Variants in BCAS3 observed in about 807,000 individuals in gnomAD.
BCAS3 encodes BCAS3 microtubule associated cell migration factor.
BCAS3 carries 53 observed loss-of-function variants against 116.1 expected under a neutral mutation model. The observed-to-expected ratio is 0.46, with a 90% CI of 0.37 to 0.57. The LOEUF (loss-of-function observed/expected upper bound fraction) is 0.57, where lower values mean the gene tolerates loss of function less well. Among genes scored for constraint, BCAS3 ranks in the 20% least tolerant of loss-of-function variants. The probability of loss-of-function intolerance (pLI) is 0.00; values close to 1 mark genes in which losing one functional copy is unlikely to be tolerated. For synonymous variants in BCAS3, 391 were observed against 408.2 expected (o/e 0.96, Z 0.51); for missense variants, 917 against 1,165.4 (o/e 0.79, Z 3.10).
At position 60,990,617 on chromosome 17, in the gene BCAS3, G is replaced by A. The variant is rs990780558; in HGVS notation, c.1486+382G>A. On this transcript the variant is annotated intron_variant, in intron 15 of 23. Coordinates refer to ENST00000407086, the MANE Select transcript of BCAS3 (RefSeq NM_017679.5). The surrounding 1 kb of genome is among the most constrained non-coding windows in gnomAD (Gnocchi z 5.1). ...TTCATTGTTGGAAAGAAATAGTCAT[G>A]GGTAATGTGTATTTTAGATAGAGCA... is the stretch of plus-strand genomic sequence containing the variant. Among the ~76,000 whole-genome samples the A allele has an allele frequency of 6.6e-5, 10 of 151,698 alleles. No individual in the cohort carries two copies. The highest frequency in any genetic ancestry group is 2.4e-4 in the African/African-American group (10 of 41,302).
chr17:61,369,629 G>C (rs114655189), intron 23 of BCAS3, among the ~76,000 whole-genome samples: 2 of 152,156 alleles, frequency 1.3e-5, no homozygotes, highest in African/African-American at 4.8e-5. Flanking sequence ...TCACTAAGAC[G>C]TGTCATCTCC....
rs1316386633 is a variant in BCAS3, at chr17:61,106,651, T to TA, written c.2425+22089dup. ...GGGTCTTGGAACGTATCCCCATAGA[T>TA]AAGGAGCGGGGGACAGTTGTAGAAT... On this transcript the variant is annotated intron_variant, in intron 22 of 23. Coordinates refer to ENST00000407086, the MANE Select transcript of BCAS3 (RefSeq NM_017679.5). This position sits in a 1 kb window ranked among gnomAD's most constrained non-coding sequence, Gnocchi z 4.2. Among the ~76,000 whole-genome samples, 2 of 152,180 alleles carry TA rather than the reference T, an allele frequency of 1.3e-5. No homozygotes were observed. The highest frequency in any genetic ancestry group is 4.8e-5 in the African/African-American group (2 of 41,438).
rs972224126 is a variant in BCAS3, at chr17:61,091,713, A to G, written c.2425+7149A>G. On this transcript the variant is annotated intron_variant, in intron 22 of 23. Coordinates refer to ENST00000407086, the MANE Select transcript of BCAS3 (RefSeq NM_017679.5). ...CACAGAAAGGCTAAAGTAAATAATC[A>G]AAATGAAAATAGTTGTTCCAGAGAA... 1.9e-4 allele frequency among the ~76,000 whole-genome samples: 29 copies of G among 152,202 alleles called. 1 individual carries two copies. Among genetic ancestry groups the G allele is most frequent in the African/African-American group, 6.3e-4 (26 of 41,466 alleles).
At chr17:60,706,235 T>G (rs967172265) in intron 4 of BCAS3, among the ~76,000 whole-genome samples, 2 of 151,954 alleles carry the variant, frequency 1.3e-5, no homozygotes, top group African/African-American at 4.8e-5. Context: ...GCTAATTTTT[T>G]GTATTTTTAG....
intron 7 of BCAS3, among the ~76,000 whole-genome samples, chr17:60,827,969 T>C (rs964484914): frequency 6.6e-6 from 1 of 152,168 alleles, no homozygotes; most frequent in African/African-American, 2.4e-5. Flanking sequence ...CTAGAACCAG[T>C]TCATAAAACA....
At position 61,077,196 on chromosome 17, in the gene BCAS3, C is replaced by T. The variant is rs1181059951; in HGVS notation, c.2131-1137C>T. Among the ~76,000 whole-genome samples the T allele has an allele frequency of 1.3e-5, 2 of 151,850 alleles. No individual in the cohort carries two copies. Among genetic ancestry groups the T allele is most frequent in the African/African-American group, 4.8e-5 (2 of 41,314 alleles). On this transcript the variant is annotated intron_variant, in intron 20 of 23. Transcript: ENST00000407086. This position sits in a 1 kb window ranked among gnomAD's most constrained non-coding sequence, Gnocchi z 4.3. ...TTCAGGTTTTTCCAAGTGTCTTCTACCCACTTCTTTGACTTTATAATGTTT... is the reference window on the plus strand; with the variant it reads ...TTCAGGTTTTTCCAAGTGTCTTCTATCCACTTCTTTGACTTTATAATGTTT...
intron 19 of BCAS3, among the ~76,000 whole-genome samples, chr17:61,071,675 G>T (rs1056617756): frequency 3.3e-5 from 5 of 152,072 alleles, no homozygotes; most frequent in Non-Finnish European, 7.4e-5. Flanking sequence ...ACTGTATAGA[G>T]AATCCAATAC....
At position 60,936,308 on chromosome 17, in the gene BCAS3, A is replaced by C. The variant is rs9303434; in HGVS notation, c.1088-10911A>C. ...AGTCTTTGCTATTGTGAATAGTGCCATAATAAACATACATGTGCATGTGTC... is the reference window on the plus strand; with the variant it reads ...AGTCTTTGCTATTGTGAATAGTGCCCTAATAAACATACATGTGCATGTGTC... On this transcript the variant is annotated intron_variant, in intron 13 of 23. Coordinates refer to ENST00000407086, the MANE Select transcript of BCAS3 (RefSeq NM_017679.5). 9.0e-5 allele frequency among the ~76,000 whole-genome samples: 13 copies of C among 143,776 alleles called. No individual in the cohort carries two copies. In the East Asian group the frequency reaches 1.4e-3, roughly 15 times the overall value. 94.3% of individuals were successfully genotyped at this position (143,776 alleles called of 152,430 possible). A position where few individuals can be genotyped will look rare whatever the true frequency, so the allele number is the denominator to read the frequency against.
chr17:60,937,111 T>C (rs1486144162), intron 13 of BCAS3, among the ~76,000 whole-genome samples: 1 of 152,212 alleles, frequency 6.6e-6, no homozygotes, highest in East Asian at 1.9e-4. Context: ...ATTTATTAAA[T>C]AGGGAATTGT....
rs757961552 is a variant in BCAS3 at position 61,363,214 on chromosome 17, G to A, written c.2426-5113G>A. ...ATCCATAGATGCCCCAAAATTGCCCGCATAATTTTATGTATGCAAGCACAC... is the reference window on the plus strand; with the variant it reads ...ATCCATAGATGCCCCAAAATTGCCCACATAATTTTATGTATGCAAGCACAC... On this transcript the variant is annotated intron_variant, in intron 22 of 23. Transcript: ENST00000407086. The surrounding 1 kb of genome is among the most constrained non-coding windows in gnomAD (Gnocchi z 4.9). 5.3e-5 allele frequency among the ~76,000 whole-genome samples: 8 copies of A among 152,150 alleles called. No individual in the cohort carries two copies. The highest frequency in any genetic ancestry group is 7.2e-5 in the African/African-American group (3 of 41,432).
At chr17:61,174,342 A>C (rs895957681) in intron 22 of BCAS3, among the ~76,000 whole-genome samples, 1 of 152,068 alleles carries the variant, frequency 6.6e-6, no homozygotes, top group African/African-American at 2.4e-5. Context: ...GCTGATAACC[A>C]CCGTTCTACT....
rs1331153786 is a variant in BCAS3, at chr17:61,376,679, CT to C, written c.2593+8187del. 1.3e-5 allele frequency among the ~76,000 whole-genome samples: 2 copies of C among 152,200 alleles called. No individual in the cohort carries two copies. The highest frequency in any genetic ancestry group is 2.9e-5 in the Non-Finnish European group (2 of 68,038). On this transcript the variant is annotated intron_variant, in intron 23 of 23. Coordinates refer to ENST00000407086, the MANE Select transcript of BCAS3 (RefSeq NM_017679.5). The surrounding 1 kb of genome is among the most constrained non-coding windows in gnomAD (Gnocchi z 4.5). ...ATAGCTTCTGGCTTGGTCTGGCTCTCTTGCCAAAGTCTCTAGGCTTCTCTGG... is the reference window on the plus strand; with the variant it reads ...ATAGCTTCTGGCTTGGTCTGGCTCTCTGCCAAAGTCTCTAGGCTTCTCTGG...
In BCAS3 at chr17:61,377,281, C is replaced by A. The variant is rs1032019127; in HGVS notation, c.2593+8787C>A. Among the ~76,000 whole-genome samples, 1 of 152,240 alleles carries A rather than the reference C, an allele frequency of 6.6e-6. No homozygotes were observed. The highest frequency in any genetic ancestry group is 1.5e-5 in the Non-Finnish European group (1 of 68,046). On this transcript the variant is annotated intron_variant, in intron 23 of 23. Transcript: ENST00000407086. The surrounding 1 kb of genome is among the most constrained non-coding windows in gnomAD (Gnocchi z 4.6). ...CCCAGTCCCACCAGCAGGTCACAAG[C>A]ATCCCTACTCGGGACAAGAGGGAGC...
intron 22 of BCAS3, among the ~76,000 whole-genome samples, chr17:61,116,408 G>A (rs935391188): frequency 2.0e-5 from 3 of 151,900 alleles, no homozygotes; most frequent in Admixed American, 6.6e-5. Flanking sequence ...CCCTTCTTCC[G>A]TTTATGTCCC....
chr17:60,785,733 A>C (rs2144512903), intron 6 of BCAS3, among the ~76,000 whole-genome samples: 1 of 152,282 alleles, frequency 6.6e-6, no homozygotes, highest in Admixed American at 6.5e-5. Context: ...CCATTTTGTA[A>C]AACAGTTATC....
chr17:61,185,422 AG>A (rs1218255944), intron 22 of BCAS3, among the ~76,000 whole-genome samples: 6 of 152,162 alleles, frequency 3.9e-5, no homozygotes, highest in African/African-American at 9.7e-5. Flanking sequence ...AATGGCTACT[AG>A]TCTAATGGTT....
rs993239333 is a variant in BCAS3, at chr17:61,339,546, AC to A, written c.2426-28779del. On this transcript the variant is annotated intron_variant, in intron 22 of 23. Coordinates refer to ENST00000407086, the MANE Select transcript of BCAS3 (RefSeq NM_017679.5). The surrounding 1 kb of genome is among the most constrained non-coding windows in gnomAD (Gnocchi z 4.4). ...GTTGGGAGGCCAAGGTGAGCAGATCACCTGAGGTCAGGAGTTCGAGACCAGC... is the reference window on the plus strand; with the variant it reads ...GTTGGGAGGCCAAGGTGAGCAGATCACTGAGGTCAGGAGTTCGAGACCAGC... 6.6e-4 allele frequency among the ~76,000 whole-genome samples: 100 copies of A among 152,298 alleles called. No individual in the cohort carries two copies. Among genetic ancestry groups the A allele is most frequent in the African/African-American group, 2.3e-3 (94 of 41,566 alleles).
At chr17:61,341,618 C>T (rs767374567) in intron 22 of BCAS3, among the ~76,000 whole-genome samples, 10 of 152,184 alleles carry the variant, frequency 6.6e-5, no homozygotes, top group Non-Finnish European at 1.5e-4. Flanking sequence ...TACTGCCTGC[C>T]TTTAGGAGGC....
chr17:60,784,296 A>G (rs2046088028), intron 6 of BCAS3, among the ~76,000 whole-genome samples: 1 of 148,002 alleles, frequency 6.8e-6, no homozygotes, highest in African/African-American at 2.6e-5. Context: ...AAATGAAACA[A>G]ATTTTTTTTT....
Sources: allele counts gnomAD v4.1 joint callset (sites outside exome capture counted in the v4.1 genomes callset), GRCh38; gene constraint gnomAD v4.1.1; non-coding constraint Gnocchi (gnomAD v3.1); transcripts MANE v1.5; gene names NCBI Gene and HGNC (gene_info 2026-07-23, HGNC 2026-07-21).